The following ATP13A3 variants were observed in gnomAD, a reference collection of about 807,000 sequenced individuals.
ATP13A3 encodes ATPase 13A3, also known as polyamine-transporting ATPase 13A3.
ATP13A3 carries 59 observed loss-of-function variants against 158.1 expected under a neutral mutation model. That is an observed-to-expected ratio of 0.37 (90% confidence interval 0.30 to 0.46). The LOEUF (loss-of-function observed/expected upper bound fraction) is 0.46. ATP13A3 is among the 20% of genes least tolerant of loss of function. The pLI, the probability that ATP13A3 is intolerant of heterozygous loss-of-function variation, is 1.00. For missense variants in ATP13A3, 1,166 were observed against 1,525.2 expected, an observed-to-expected ratio of 0.76 and a Z score of 3.92; for synonymous variants, 491 against 504.3, an observed-to-expected ratio of 0.97 and a Z score of 0.35.
intron 2 of ATP13A3, among the ~76,000 whole-genome samples, chr3:194,493,507 T>C (rs1333383573): frequency 3.5e-4 from 53 of 151,642 alleles, no homozygotes; most frequent in African/African-American, 1.2e-3. Context: ...ATTAGCCAGG[T>C]GTGATGTCAG....
chr3:194,494,028 A>G lies in ATP13A3; in HGVS notation n.746+22T>C. ...AAAAATCCCATTTTACAGAATGGAA[A>G]AAGAGGTGTTCAATAACTCACCCGA... On this transcript the variant is annotated intron_variant and non_coding_transcript_variant, in intron 2 of 32. Coordinates refer to the ATP13A3 transcript ENST00000687055. The surrounding 1 kb of genome is among the most constrained non-coding windows in gnomAD (Gnocchi z 4.2). 1 of 397,460 alleles carries G rather than the reference A, an allele frequency of 2.5e-6. No homozygotes were observed. Among genetic ancestry groups the G allele is most frequent in the Non-Finnish European group, 4.4e-6 (1 of 225,788 alleles). The allele number at this position is 397,460 out of a possible 1,614,324, so 24.6% of individuals were successfully genotyped here.
chr3:194,426,363 T>G, intron 29 of ATP13A3, among the ~76,000 whole-genome samples: 1 of 152,222 alleles, frequency 6.6e-6, no homozygotes, highest in East Asian at 1.9e-4. Flanking sequence ...AATTAAAATG[T>G]TATAATTTGT....
chr3:194,454,339 A>T lies in ATP13A3; in HGVS notation c.684T>A (p.Thr228=). ...FQLFSVILWS[T]DEYYYYALAI... is the part of the protein sequence containing the mutation. ...CTAGAGCATAGTAATAGTATTCATC[A>T]GTGCTCCACAGTATAACACTGAACA... is the stretch of plus-strand genomic sequence containing the variant. The change falls in exon 9 of 34, where the codon ACT becomes ACA. Residue 228 remains threonine (T), a synonymous_variant. Coordinates refer to ENST00000645319, the MANE Select transcript of ATP13A3 (RefSeq NM_001367549.1). The T allele has an allele frequency of 6.2e-7, 1 of 1,609,528 alleles. No homozygotes were observed. The highest frequency in any genetic ancestry group is 8.5e-7 in the Non-Finnish European group (1 of 1,175,978).
At chr3:194,444,126 T>C (rs1160482404) in intron 15 of ATP13A3, among the ~76,000 whole-genome samples, 2 of 152,206 alleles carry the variant, frequency 1.3e-5, no homozygotes, top group African/African-American at 4.8e-5. Flanking sequence ...AGCATAAAGC[T>C]GAAGCCGTGC....
chr3:194,441,228 C>T (rs1193116113), intron 16 of ATP13A3, 83 bp downstream of exon 16: 1 of 1,160,094 alleles, frequency 8.6e-7, no homozygotes, highest in Non-Finnish European at 1.2e-6. Flanking sequence ...AAACAAAAAG[C>T]AGAAATAATC....
chr3:194,465,805 A>C (rs544082741), intron 2 of ATP13A3, among the ~76,000 whole-genome samples: 5 of 148,738 alleles, frequency 3.4e-5, no homozygotes, highest in Non-Finnish European at 7.4e-5. Flanking sequence ...CTCTACTAAA[A>C]ACACACACAC....
chr3:194,451,868 T>G (rs1324119708), intron 10 of ATP13A3: 1 of 152,378 alleles, frequency 6.6e-6, no homozygotes, highest in African/African-American at 2.4e-5. Flanking sequence ...TGGCCTCATA[T>G]CCAATGAGTC....
chr3:194,444,727 T>G lies in ATP13A3; in HGVS notation c.1557A>C (p.Ala519=). 1 of 1,590,106 alleles carries G rather than the reference T, an allele frequency of 6.3e-7. No homozygotes were observed. Among genetic ancestry groups the G allele is most frequent in the Non-Finnish European group, 8.5e-7 (1 of 1,172,672 alleles). ...DLWGIQRVEN[A]RFLSPEENVC... is the part of the protein sequence containing the mutation. Reference sequence around the variant, plus strand: ...TATCAAGTCTAACTAATATTTACCGTGCATTTTCCACTCGTTGAATCCCCC... The same window carrying G: ...TATCAAGTCTAACTAATATTTACCGGGCATTTTCCACTCGTTGAATCCCCC... The change falls in exon 15 of 34, where the codon GCA becomes GCC. Residue 519 remains alanine, a splice_region_variant and synonymous_variant. Coordinates refer to ENST00000645319, the MANE Select transcript of ATP13A3 (RefSeq NM_001367549.1).
intron 28 of ATP13A3, among the ~76,000 whole-genome samples, chr3:194,428,103 C>T (rs1037725014): frequency 6.6e-6 from 1 of 151,972 alleles, no homozygotes; most frequent in East Asian, 1.9e-4. Flanking sequence ...CACCTGTAAT[C>T]CCAGCTACTC....
At chr3:194,475,230 AT>A (rs899621464) in intron 2 of ATP13A3, among the ~76,000 whole-genome samples, 13 of 152,132 alleles carry the variant, frequency 8.5e-5, no homozygotes, top group South Asian at 2.1e-4. Context: ...CCTAAAAATA[AT>A]TTTTTTCATT....
At chr3:194,482,756 T>C (rs1720800877) in intron 2 of ATP13A3, among the ~76,000 whole-genome samples, 1 of 152,102 alleles carries the variant, frequency 6.6e-6, no homozygotes, top group African/African-American at 2.4e-5. Context: ...GAGGATCACT[T>C]GAGGCCAGGA....
At chr3:194,456,938 T>G (rs1255473012) in intron 7 of ATP13A3, among the ~76,000 whole-genome samples, 156 bp downstream of exon 7, 1 of 152,130 alleles carries the variant, frequency 6.6e-6, no homozygotes, top group East Asian at 1.9e-4. Context: ...ACTAAGACAG[T>G]CTTACCCAAA....
At chr3:194,416,227 C>T (rs909133211) in intron 31 of ATP13A3, among the ~76,000 whole-genome samples, 1 of 152,000 alleles carries the variant, frequency 6.6e-6, no homozygotes, top group African/African-American at 2.4e-5. Flanking sequence ...TGGGAGGCCA[C>T]GGTGGGTGGA....
intron 33 of ATP13A3, among the ~76,000 whole-genome samples, chr3:194,410,296 CAAAAAAAAAAAAAA>C (rs772008929): frequency 2.2e-3 from 48 of 21,822 alleles, no homozygotes; most frequent in Admixed American, 0.013. Context: ...CTCCTCTCTG[CAAAAAAAAAAAAAA>C]AAAAAAAAAA....
chr3:194,426,237 T>C (rs985588578), intron 29 of ATP13A3, among the ~76,000 whole-genome samples: 5 of 152,142 alleles, frequency 3.3e-5, no homozygotes, highest in Non-Finnish European at 7.4e-5. Context: ...AAAAAAGTAA[T>C]GTTAAATCTC....
intron 6 of ATP13A3, among the ~76,000 whole-genome samples, chr3:194,458,841 A>G (rs1294729186): frequency 1.3e-5 from 2 of 152,124 alleles, no homozygotes; most frequent in African/African-American, 4.8e-5. Flanking sequence ...TCCAATAGAA[A>G]CCTACAGGTA....
chr3:194,474,098 C>T (rs1260236364), intron 2 of ATP13A3, among the ~76,000 whole-genome samples: 2 of 152,142 alleles, frequency 1.3e-5, no homozygotes, highest in African/African-American at 4.8e-5. Flanking sequence ...TTTGTGCTTT[C>T]TTTCCTTTGG....
At position 194,447,117 on chromosome 3, in the gene ATP13A3, T is replaced by C. The variant is rs1429607985; in HGVS notation, c.1309-2A>G. ...GATAATTATGACCCCAACTTGTACCTACAATTAACACAAAAATAAATGTCA... is the reference window on the plus strand; with the variant it reads ...GATAATTATGACCCCAACTTGTACCCACAATTAACACAAAAATAAATGTCA... On this transcript the variant is annotated splice_acceptor_variant, in intron 13 of 33. Transcript: ENST00000645319. LOFTEE classifies it high-confidence loss of function. 6.3e-7 allele frequency: 1 copy of C among 1,596,706 alleles called. No individual in the cohort carries two copies.
chr3:194,476,766 G>GTGTT (rs1553808791), intron 2 of ATP13A3, among the ~76,000 whole-genome samples: 1 of 128,696 alleles, frequency 7.8e-6, no homozygotes, highest in African/African-American at 2.9e-5. Context: ...GTAAGTTGTT[G>GTGTT]TTTTTTTTTT....
Sources: allele counts gnomAD v4.1 joint callset (sites outside exome capture counted in the v4.1 genomes callset), GRCh38; gene constraint gnomAD v4.1.1; non-coding constraint Gnocchi (gnomAD v3.1); transcripts MANE v1.5; gene names NCBI Gene and HGNC (gene_info 2026-07-23, HGNC 2026-07-21).